Variants in TRPC4 observed in about 807,000 individuals in gnomAD.
TRPC4 encodes short transient receptor potential channel 4.
TRPC4 carries 49 observed loss-of-function variants against 99.4 expected under a neutral mutation model. The observed-to-expected ratio is 0.49, with a 90% confidence interval of 0.39 to 0.63. The LOEUF (loss-of-function observed/expected upper bound fraction) is 0.63, where lower values mean the gene tolerates loss of function less well. TRPC4 is among the 20% of genes least tolerant of loss of function. TRPC4 has a pLI of 0.00. For synonymous variants in TRPC4, 454 were observed against 425.9 expected (o/e 1.07, Z -0.81); for missense variants, 898 against 1,152.9 (o/e 0.78, Z 3.20).
chr13:37,656,037 C>T (rs773547184), intron 6 of TRPC4, among the ~76,000 whole-genome samples: 12 of 152,002 alleles, frequency 7.9e-5, no homozygotes, highest in East Asian at 1.9e-4. Context: ...AGAATGCTTA[C>T]GTAATAAAAT....
At chr13:37,642,858 G>A (rs915227163) in intron 8 of TRPC4, among the ~76,000 whole-genome samples, 2 of 151,732 alleles carry the variant, frequency 1.3e-5, no homozygotes, top group Non-Finnish European at 2.9e-5. Context: ...AGCCTCCTGA[G>A]TAGCTAGGAT....
chr13:37,710,944 T>A (rs1232167824), intron 3 of TRPC4, among the ~76,000 whole-genome samples: 1 of 151,970 alleles, frequency 6.6e-6, no homozygotes. Context: ...TGTAATTAGT[T>A]ATTCTCTCTT....
intron 2 of TRPC4, among the ~76,000 whole-genome samples, 174 bp from the exon 3 acceptor site, chr13:37,746,629 G>GA (rs368191471): frequency 4.6e-4 from 68 of 147,036 alleles, no homozygotes; most frequent in African/African-American, 5.0e-4. Flanking sequence ...GACAAAATTG[G>GA]AAAAAAAAAC....
intron 3 of TRPC4, among the ~76,000 whole-genome samples, chr13:37,727,593 C>T (rs1118128): frequency 0.031 from 4,763 of 151,778 alleles, 255 homozygotes; most frequent in African/African-American, 0.11. Flanking sequence ...GAATAGAAAA[C>T]AGAGACAATC....
At chr13:37,817,230 A>T (rs754963812) in intron 1 of TRPC4, among the ~76,000 whole-genome samples, 31 of 152,166 alleles carry the variant, frequency 2.0e-4, no homozygotes, top group Non-Finnish European at 4.3e-4. Context: ...AACAAACAAC[A>T]GTCAAGCTGA....
chr13:37,779,239 A>C (rs1956778196), intron 2 of TRPC4, among the ~76,000 whole-genome samples: 1 of 152,098 alleles, frequency 6.6e-6, no homozygotes, highest in Non-Finnish European at 1.5e-5. Flanking sequence ...AATGGACTGA[A>C]ATGAGGGTTA....
chr13:37,812,830 TAA>T (rs1957740461), intron 1 of TRPC4, among the ~76,000 whole-genome samples: 1 of 152,020 alleles, frequency 6.6e-6, no homozygotes, highest in African/African-American at 2.4e-5. Context: ...TCAAATTTCT[TAA>T]AATCATAGAC....
intron 1 of TRPC4, among the ~76,000 whole-genome samples, chr13:37,803,851 G>C (rs565309965): frequency 2.0e-5 from 3 of 151,842 alleles, no homozygotes; most frequent in Admixed American, 2.0e-4. Context: ...GAAGGAACTT[G>C]GCTTGATCCA....
intron 3 of TRPC4, among the ~76,000 whole-genome samples, chr13:37,715,671 C>G (rs1399991891): frequency 1.3e-5 from 2 of 152,132 alleles, no homozygotes; most frequent in Non-Finnish European, 2.9e-5. Context: ...GGTTCACAAA[C>G]TTTAATCATA....
At chr13:37,650,357 A>G (rs1951999625) in intron 8 of TRPC4, among the ~76,000 whole-genome samples, 1 of 152,188 alleles carries the variant, frequency 6.6e-6, no homozygotes, top group African/African-American at 2.4e-5. Context: ...AAACATTACT[A>G]TGAGAACTTT....
intron 10 of TRPC4, among the ~76,000 whole-genome samples, chr13:37,638,510 C>G (rs1566059145): frequency 6.6e-6 from 1 of 152,102 alleles, no homozygotes; most frequent in Non-Finnish European, 1.5e-5. Flanking sequence ...TCCAAAATCT[C>G]TAAACAATCA....
chr13:37,706,215 G>A (rs1280300718), intron 3 of TRPC4, among the ~76,000 whole-genome samples: 1 of 152,188 alleles, frequency 6.6e-6, no homozygotes, highest in Non-Finnish European at 1.5e-5. Context: ...CATAGCAGAA[G>A]GCTTATGGGT....
At chr13:37,842,251 C>A (rs1958752240) in intron 1 of TRPC4, among the ~76,000 whole-genome samples, 2 of 122,998 alleles carry the variant, frequency 1.6e-5, no homozygotes, top group Admixed American at 9.8e-5. Flanking sequence ...GCCTAGGCAA[C>A]AGAGCAAGAC....
Position 37,745,958 on chromosome 13 carries a change from G to A in TRPC4, c.876C>T (p.Ala292=), listed in dbSNP as rs1382516418. The change falls in exon 3 of 11, where the codon GCC becomes GCT. Residue 292 remains alanine (A), a synonymous_variant. Transcript: ENST00000379705. ...SGNDLARLKL[A]IKYRQKEFVA... ...TCACCTCTTTTTGACGGTACTTAATGGCCAATTTTAGTCTTGCAAGATCAT... is the reference window on the plus strand; with the variant it reads ...TCACCTCTTTTTGACGGTACTTAATAGCCAATTTTAGTCTTGCAAGATCAT... The A allele has an allele frequency of 2.5e-6, 4 of 1,612,862 alleles. No individual in the cohort carries two copies. The highest frequency in any genetic ancestry group is 3.3e-4 in the Middle Eastern group (2 of 6,054).
At chr13:37,846,398 A>G (rs1958899481) in intron 1 of TRPC4, among the ~76,000 whole-genome samples, 1 of 152,150 alleles carries the variant, frequency 6.6e-6, no homozygotes, top group South Asian at 2.1e-4. Context: ...AGAAATACAA[A>G]TTACAAAAAT....
intron 3 of TRPC4, among the ~76,000 whole-genome samples, chr13:37,707,996 G>C (rs1443393645): frequency 6.6e-6 from 1 of 151,986 alleles, no homozygotes; most frequent in East Asian, 1.9e-4. Flanking sequence ...TTACTGACTG[G>C]GGGAGGAGGA....
chr13:37,854,044 C>T (rs1036184732), intron 1 of TRPC4, among the ~76,000 whole-genome samples: 4 of 151,990 alleles, frequency 2.6e-5, no homozygotes, highest in Non-Finnish European at 5.9e-5. Flanking sequence ...ATTTCCCAAT[C>T]CTAGAGAAAG....
intron 2 of TRPC4, among the ~76,000 whole-genome samples, chr13:37,764,379 A>G (rs1480474638): frequency 2.0e-5 from 3 of 150,930 alleles, no homozygotes; most frequent in South Asian, 2.1e-4. Flanking sequence ...TTTATAATGT[A>G]TAGACCAACT....
intron 1 of TRPC4, among the ~76,000 whole-genome samples, chr13:37,863,745 C>G (rs1959553923): frequency 6.6e-6 from 1 of 151,632 alleles, no homozygotes; most frequent in African/African-American, 2.4e-5. Context: ...CCTCTCATCC[C>G]TCCATTGTGT....
Sources: gnomAD v4.1 joint callset for allele counts (sites outside exome capture counted in the v4.1 genomes callset) on GRCh38, gnomAD v4.1.1 for gene constraint, MANE v1.5 for transcripts, NCBI Gene and HGNC (gene_info 2026-07-23, HGNC 2026-07-21) for gene names.